Variants in ACSM5 observed in about 807,000 individuals in gnomAD.
ACSM5 encodes acyl-CoA synthetase medium chain family member 5.
Under a neutral mutation model 71.6 loss-of-function variants are expected in ACSM5, and 56 were observed. The ratio of observed to expected loss-of-function variants is 0.78; its 90% CI spans 0.63 to 0.98. ACSM5 has a LOEUF of 0.98. Ranked by LOEUF, ACSM5 falls within the 50% of genes least tolerant of loss-of-function variation. ACSM5 has a pLI of 0.00. For synonymous variants in ACSM5, 285 were observed against 281.5 expected, an observed-to-expected ratio of 1.01 and a Z score of -0.12; for missense variants, 723 against 726.0, an observed-to-expected ratio of 1.00 and a Z score of 0.05.
intron 9 of ACSM5, 70 bp from the exon 10 acceptor site, chr16:20,431,150 G>T: frequency 6.3e-7 from 1 of 1,591,308 alleles, no homozygotes; most frequent in South Asian, 1.1e-5. Context: ...GGCACGGGCT[G>T]CTGGGCTGCT....
chr16:20,429,723 C>A lies in ACSM5; in HGVS notation c.1047C>A (p.Ala349=), dbSNP rs1328762459. 2 of 1,613,826 alleles carry A rather than the reference C, an allele frequency of 1.2e-6. No homozygotes were observed. The highest frequency in any genetic ancestry group is 3.3e-5 in the Admixed American group (2 of 60,004). The change falls in exon 8 of 14, where the codon GCC becomes GCA. Residue 349 remains alanine (A), a synonymous_variant. Transcript: ENST00000331849. The stretch of plus-strand genomic sequence containing the variant: ...GGCACTGTCTGACCGGAGGAGAGGC[C>A]CTCAACCCTGACGTGAGGGAGAAGT... ...SLRHCLTGGE[A]LNPDVREKWK... is the part of the protein sequence containing the mutation.
intron 4 of ACSM5, among the ~76,000 whole-genome samples, chr16:20,420,289 G>T (rs1488272970): frequency 1.3e-5 from 2 of 152,094 alleles, no homozygotes; most frequent in Non-Finnish European, 2.9e-5. Flanking sequence ...AAGAGCCCTG[G>T]GGATCTTTTT....
chr16:20,434,201 G>C (rs1244796247), intron 10 of ACSM5, among the ~76,000 whole-genome samples: 2 of 152,046 alleles, frequency 1.3e-5, no homozygotes, highest in Non-Finnish European at 1.5e-5. Flanking sequence ...CTTTAGGGTA[G>C]AAAATACACA....
chr16:20,410,774 A>T (rs113218095), intron 1 of ACSM5, among the ~76,000 whole-genome samples: 1 of 151,976 alleles, frequency 6.6e-6, no homozygotes. Flanking sequence ...TAAATAAAAA[A>T]ATTAAAAAGA....
Position 20,419,219 on chromosome 16 carries a change from T to G in ACSM5, c.416-9T>G. On this transcript the variant is annotated splice_polypyrimidine_tract_variant and intron_variant, in intron 3 of 13. Transcript: ENST00000331849. ...TATCCACTCAACATCCCCTTCTGTT[T>G]TATGCCAGGGACTGTGATGATTCCG... The G allele has an allele frequency of 6.2e-7, 1 of 1,614,082 alleles. No individual in the cohort carries two copies. The highest frequency in any genetic ancestry group is 8.5e-7 in the Non-Finnish European group (1 of 1,180,002).
In ACSM5 at chr16:20,424,839, C is replaced by A. The variant is rs549071539; in HGVS notation, c.921+770C>A. Reference sequence around the variant, plus strand: ...CAAAGGGGCCAGCACATCATAGGTTCTTTTTTGAAATAATTTTTAATTTTT... The same window carrying A: ...CAAAGGGGCCAGCACATCATAGGTTATTTTTTGAAATAATTTTTAATTTTT... On this transcript the variant is annotated intron_variant, in intron 6 of 13. Transcript: ENST00000331849. 4.1e-4 allele frequency among the ~76,000 whole-genome samples: 63 copies of A among 152,230 alleles called. No homozygotes were observed. The East Asian group carries it at 5.2e-3, about 13-fold the overall frequency.
intron 12 of ACSM5, among the ~76,000 whole-genome samples, chr16:20,438,683 C>T (rs1290143679): frequency 2.0e-5 from 3 of 151,580 alleles, no homozygotes; most frequent in Admixed American, 6.6e-5. Context: ...AAGCCGGACA[C>T]GGTGGCTCAT....
chr16:20,421,881 CT>C (rs1462290601), intron 5 of ACSM5, among the ~76,000 whole-genome samples: 1 of 151,442 alleles, frequency 6.6e-6, no homozygotes, highest in Non-Finnish European at 1.5e-5. Context: ...CCCCTCACCC[CT>C]GGTAACCTCT....
intron 2 of ACSM5, among the ~76,000 whole-genome samples, chr16:20,415,155 G>A (rs1006982194): frequency 2.6e-5 from 4 of 152,152 alleles, no homozygotes; most frequent in Non-Finnish European, 5.9e-5. Context: ...GAAAGAAATA[G>A]ACAGAGGAAA....
chr16:20,433,796 C>A (rs1289036500), intron 10 of ACSM5, among the ~76,000 whole-genome samples: 1 of 151,810 alleles, frequency 6.6e-6, no homozygotes, highest in Non-Finnish European at 1.5e-5. Context: ...ACCTCAGCCT[C>A]CTGAGTAGCT....
At chr16:20,418,416 G>A (rs1966863020) in intron 3 of ACSM5, 147 bp downstream of exon 3, 2 of 844,368 alleles carry the variant, frequency 2.4e-6, no homozygotes, top group African/African-American at 3.4e-5. Flanking sequence ...TCACAGACTT[G>A]ATTGTATAGT....
At chr16:20,409,865 G>T (rs1966844078) in intron 1 of ACSM5, among the ~76,000 whole-genome samples, 200 bp downstream of exon 1, 1 of 86,118 alleles carries the variant, frequency 1.2e-5, no homozygotes, top group Admixed American at 9.9e-5. Context: ...CTCAGTTCAG[G>T]AGAGGTGAGG....
chr16:20,421,346 A>G lies in ACSM5; in HGVS notation c.712A>G (p.Lys238Glu), dbSNP rs774135646. The part of the protein sequence containing the change: ...YFTSGTTGAP[K>E]MVEHSQSSYG... ...TACCAGCGGAACCACCGGGGCCCCC[A>G]AGATGGTCGAGCACTCCCAGAGCAG... is the stretch of plus-strand genomic sequence containing the variant. The change falls in exon 5 of 14, where the codon AAG becomes GAG. Residue 238 changes from lysine to glutamate, a missense_variant. Transcript: ENST00000331849. 21 of 1,609,538 alleles carry G rather than the reference A, an allele frequency of 1.3e-5. No homozygotes were observed. Among genetic ancestry groups the G allele is most frequent in the Middle Eastern group, 1.7e-4 (1 of 5,940 alleles).
chr16:20,429,573 T>TCTAC (rs1439706317), intron 7 of ACSM5, 105 bp from the exon 8 acceptor site: 2 of 1,506,890 alleles, frequency 1.3e-6, no homozygotes, highest in African/African-American at 2.8e-5. Context: ...AGCAGGGGCA[T>TCTAC]CTACCCTCTA....
rs780051706 is a variant in ACSM5, at chr16:20,419,449, C to G, written c.623+14C>G. 6.2e-7 allele frequency: 1 copy of G among 1,612,610 alleles called. No individual in the cohort carries two copies. The highest frequency in any genetic ancestry group is 8.5e-7 in the Non-Finnish European group (1 of 1,178,850). On this transcript the variant is annotated intron_variant, in intron 4 of 13. Transcript: ENST00000331849. The stretch of plus-strand genomic sequence containing the variant: ...GGAACTCCTCCGGTGAATTGGGGCT[C>G]TCCAGAACAGCAGAAAAATGAAGTC...
intron 1 of ACSM5, 129 bp downstream of exon 1, chr16:20,409,794 A>G (rs1235857833): frequency 2.0e-5 from 3 of 151,546 alleles, no homozygotes; most frequent in Admixed American, 1.3e-4. Flanking sequence ...CTAAATTATC[A>G]GCTGTTTAGG....
In ACSM5 at chr16:20,424,140, A is replaced by G. The variant is rs1378096248; in HGVS notation, c.921+71A>G. On this transcript the variant is annotated intron_variant, in intron 6 of 13. Transcript: ENST00000331849. ...GAGATGAGTGGGATATAGATTTCAG[A>G]CTGCAGGAGAAAACACATAAATCAG... 12 of 1,556,052 alleles carry G rather than the reference A, an allele frequency of 7.7e-6. No individual in the cohort carries two copies. The African/African-American group carries it at 9.5e-5, about 12-fold the overall frequency.
rs186088988 is a variant in ACSM5 at position 20,419,355 on chromosome 16, C to T, written c.543C>T (p.Ala181=). 5.4e-5 allele frequency: 87 copies of T among 1,614,178 alleles called. No individual in the cohort carries two copies. In the East Asian group the frequency reaches 1.3e-3, roughly 24 times the overall value. The change falls in exon 4 of 14, where the codon GCC becomes GCT. Residue 181 remains alanine, a synonymous_variant. Coordinates refer to ENST00000331849, the MANE Select transcript of ACSM5 (RefSeq NM_017888.3). ...CTCCAAGGGTGGATGCCATCAGTGC[C>T]GAATGCCCCTCCCTCCAGACCAAGC... ...SLAPRVDAIS[A]ECPSLQTKLL... is the part of the protein sequence containing the mutation.
intron 1 of ACSM5, among the ~76,000 whole-genome samples, chr16:20,410,900 A>G (rs1423848957): frequency 6.6e-6 from 1 of 152,160 alleles, no homozygotes; most frequent in East Asian, 1.9e-4. Context: ...GATTGTGAGG[A>G]CTTAGTACCA....
Sources: allele counts gnomAD v4.1 joint callset (sites outside exome capture counted in the v4.1 genomes callset), GRCh38; gene constraint gnomAD v4.1.1; transcripts MANE v1.5; gene names NCBI Gene and HGNC (gene_info 2026-07-23, HGNC 2026-07-21).